Variants in SPAG5 observed in about 807,000 individuals in gnomAD.
The protein encoded by SPAG5 is sperm-associated antigen 5.
Under a neutral mutation model 145.4 loss-of-function variants are expected in SPAG5, and 99 were observed. That is an observed-to-expected ratio of 0.68 (90% CI 0.58 to 0.80). The LOEUF is 0.80. SPAG5 is among the 30% of genes least tolerant of loss of function. SPAG5 has a pLI of 0.00. For synonymous variants in SPAG5, 477 were observed against 525.4 expected, an observed-to-expected ratio of 0.91 and a Z score of 1.26; for missense variants, 1,192 against 1,416.0, an observed-to-expected ratio of 0.84 and a Z score of 2.54.
intron 2 of SPAG5, among the ~76,000 whole-genome samples, chr17:28,594,411 C>T (rs568849582): frequency 6.6e-6 from 1 of 151,948 alleles, no homozygotes; most frequent in East Asian, 1.9e-4. Context: ...CTGGCTAACA[C>T]GATGAAACCC....
Position 28,584,351 on chromosome 17 carries a change from T to C in SPAG5, c.2291A>G (p.Asn764Ser). Residue 764 changes from asparagine (N) to serine (S), a missense_variant, in exon 12 of 24, where the codon AAT becomes AGT. Around this residue, in one of 5 missense-constraint regions of SPAG5, gnomAD observed 709 missense variants for 840.7 expected, o/e 0.84. Transcript: ENST00000321765. Reference sequence around the variant, plus strand: ...AACTCACTGAGCAGCCTGCTCCTCATTGCTCTGGGTAAGCTGGCAGAGTAA... The same window carrying C: ...AACTCACTGAGCAGCCTGCTCCTCACTGCTCTGGGTAAGCTGGCAGAGTAA... The part of the protein sequence containing the change: ...DELLCQLTQS[N>S]EEQAAQWQKE... 1.2e-6 allele frequency: 2 copies of C among 1,614,212 alleles called. No individual in the cohort carries two copies. The highest frequency in any genetic ancestry group is 1.1e-5 in the South Asian group (1 of 91,088).
chr17:28,577,780 G>C lies in SPAG5; in HGVS notation c.3511-10C>G. On this transcript the variant is annotated splice_polypyrimidine_tract_variant and intron_variant, in intron 23 of 23. Transcript: ENST00000321765. ...GAATAGAGAGCAGGGTCTGGGAAGAGAGGCAGAAAACGCAGCTCAGGACCA... is the reference window on the plus strand; with the variant it reads ...GAATAGAGAGCAGGGTCTGGGAAGACAGGCAGAAAACGCAGCTCAGGACCA... The C allele has an allele frequency of 1.2e-6, 2 of 1,611,996 alleles. No homozygotes were observed. Among genetic ancestry groups the C allele is most frequent in the Non-Finnish European group, 1.7e-6 (2 of 1,178,062 alleles).
chr17:28,577,810 C>T, intron 23 of SPAG5, 40 bp from the exon 24 acceptor site: 1 of 1,549,480 alleles, frequency 6.5e-7, no homozygotes, highest in African/African-American at 1.4e-5. Flanking sequence ...GGACCACAGA[C>T]TTAAGGCCCA....
chr17:28,596,496 C>T (rs1445779275), intron 2 of SPAG5, among the ~76,000 whole-genome samples: 3 of 150,610 alleles, frequency 2.0e-5, no homozygotes, highest in Non-Finnish European at 3.0e-5. Context: ...GGCGAAACCC[C>T]GTCTCTATTA....
Position 28,578,504 on chromosome 17 carries a change from G to T in SPAG5, c.3223C>A (p.Leu1075Ile). The change falls in exon 21 of 24, where the codon CTT becomes ATT. Residue 1075 changes from leucine (L) to isoleucine (I), a missense_variant. Transcript: ENST00000321765. ...TCCGCACGCCGAAGTGAGCGGGTAA[G>T]GTGGGTCACCTCCTCTCTAAGGCTC... ...LISLREEVTH[L>I]TRSLRRAETE... 1.2e-6 allele frequency: 2 copies of T among 1,611,368 alleles called. No individual in the cohort carries two copies. Among genetic ancestry groups the T allele is most frequent in the Non-Finnish European group, 8.5e-7 (1 of 1,180,022 alleles).
At chr17:28,598,459 T>G in intron 2 of SPAG5, 51 bp downstream of exon 2, 1 of 1,596,338 alleles carries the variant, frequency 6.3e-7, no homozygotes, top group Non-Finnish European at 8.5e-7. Context: ...TCCCCTGAGC[T>G]CTCACCCTGG....
rs748585752 is a variant in SPAG5, at chr17:28,592,166, G to A, written c.1078C>T (p.Arg360Cys). The A allele has an allele frequency of 2.1e-5, 34 of 1,614,034 alleles. No individual in the cohort carries two copies. The highest frequency in any genetic ancestry group is 4.5e-5 in the East Asian group (2 of 44,904). ...ATCGAGGGAAGGGATAAGCTTTGGC[G>A]GAGATTTTCCAGCATGACGGAGGTA... ...VNTSVMLENL[R>C]QSLSLPSMLR... Residue 360 changes from arginine to cysteine, a missense_variant, in exon 3 of 24, where the codon CGC becomes TGC. Arg to Cys is a radical substitution (Grantham distance 180). Around this residue, in one of 5 missense-constraint regions of SPAG5, gnomAD observed 125 missense variants for 143.8 expected, o/e 0.87. Transcript: ENST00000321765.
chr17:28,586,541 T>G lies in SPAG5; in HGVS notation c.1438-42A>C, dbSNP rs1363359163. The stretch of plus-strand genomic sequence containing the variant: ...AGTTGTTCCTTGTTTTGTTTGTTTG[T>G]TTGTTTTTGAGACAGAGTCTTGCTC... On this transcript the variant is annotated intron_variant, in intron 4 of 23. Transcript: ENST00000321765. The G allele has an allele frequency of 4.5e-6, 7 of 1,542,402 alleles. No homozygotes were observed. In the African/African-American group the frequency reaches 9.5e-5, roughly 21 times the overall value.
At position 28,583,983 on chromosome 17, in the gene SPAG5, C is replaced by A; in HGVS notation, c.2416G>T (p.Ala806Ser). The part of the protein sequence containing the change: ...VRDLKETLEF[A>S]DQENQVAHLE... ...TGAGCAACCTGATTCTCCTGGTCTG[C>A]AAACTGGGAAGACAAGAGAAGGAGC... Residue 806 changes from alanine (A) to serine (S), a missense_variant, in exon 14 of 24, where the codon GCA (alanine) becomes TCA (serine). Physicochemically the swap from Ala to Ser is moderately conservative, Grantham distance 99. Transcript: ENST00000321765. 3.1e-6 allele frequency: 5 copies of A among 1,614,096 alleles called. No homozygotes were observed. Among genetic ancestry groups the A allele is most frequent in the Non-Finnish European group, 4.2e-6 (5 of 1,180,012 alleles).
chr17:28,594,696 G>A (rs1163586738), intron 2 of SPAG5, among the ~76,000 whole-genome samples: 1 of 152,156 alleles, frequency 6.6e-6, no homozygotes, highest in African/African-American at 2.4e-5. Flanking sequence ...TGATATTCTG[G>A]TACTGTCCTA....
At chr17:28,581,177 G>A (rs2070546976) in intron 15 of SPAG5, among the ~76,000 whole-genome samples, 2 of 152,190 alleles carry the variant, frequency 1.3e-5, no homozygotes, top group Non-Finnish European at 2.9e-5. Context: ...ATCTATGGCT[G>A]CTCTTGAACT....
chr17:28,584,536 A>G lies in SPAG5; in HGVS notation c.2162-56T>C, dbSNP rs972692236. Reference sequence around the variant, plus strand: ...CGGTCAGCAGGCTAGAAACTCCCCAAACTTCTGCTCCAAAGCAAGTGCTCC... The same window carrying G: ...CGGTCAGCAGGCTAGAAACTCCCCAGACTTCTGCTCCAAAGCAAGTGCTCC... On this transcript the variant is annotated intron_variant, in intron 11 of 23. Transcript: ENST00000321765. The G allele has an allele frequency of 4.3e-6, 7 of 1,611,912 alleles. No homozygotes were observed. In the Admixed American group the frequency reaches 6.7e-5, roughly 15 times the overall value.
In SPAG5 at chr17:28,584,224, GT is replaced by G; in HGVS notation, c.2337del (p.Lys779AsnfsTer21). ...AQWQKEEMALKHMQAELQQQQ... is the reference protein window; with the variant it reads ...AQWQKEEMALXHMQAELQQQQ... ...TGCTGCTGCAGTTCTGCCTGCATGT[GT>G]TTTAGTGCCATCTCTTCCTTTTGCC... is the stretch of plus-strand genomic sequence containing the variant. On this transcript the variant is annotated frameshift_variant, in exon 13 of 24. Transcript: ENST00000321765. LOFTEE classifies it high-confidence loss of function. 6.2e-7 allele frequency: 1 copy of G among 1,613,932 alleles called. No individual in the cohort carries two copies. The highest frequency in any genetic ancestry group is 8.5e-7 in the Non-Finnish European group (1 of 1,180,036).
chr17:28,588,202 G>A (rs1050747895), intron 4 of SPAG5, among the ~76,000 whole-genome samples: 1 of 152,194 alleles, frequency 6.6e-6, no homozygotes, highest in African/African-American at 2.4e-5. Context: ...GGCTCACATC[G>A]TGCTCAGCTG....
chr17:28,591,792 A>G lies in SPAG5; in HGVS notation c.1343T>C (p.Leu448Pro), dbSNP rs758265514. ...CTTCCAGTCCCGAAGCTGGCGGGAG[A>G]GAACCTCCAGAATGACAAGAGAGCT... ...LLSSLVILEV[L>P]SRQLRDWKSQ... The change falls in exon 4 of 24, where the codon CTC becomes CCC. Residue 448 changes from leucine to proline, a missense_variant. Leu to Pro is a moderately conservative substitution (Grantham distance 98). Transcript: ENST00000321765. 2 of 1,614,146 alleles carry G rather than the reference A, an allele frequency of 1.2e-6. No individual in the cohort carries two copies. The highest frequency in any genetic ancestry group is 1.7e-6 in the Non-Finnish European group (2 of 1,180,020).
intron 2 of SPAG5, among the ~76,000 whole-genome samples, chr17:28,596,285 G>A (rs560126556): frequency 6.6e-6 from 1 of 152,200 alleles, no homozygotes; most frequent in African/African-American, 2.4e-5. Context: ...GACTGCATCT[G>A]GAGGTAGTAA....
At chr17:28,589,111 T>G (rs2070604217) in intron 4 of SPAG5, among the ~76,000 whole-genome samples, 1 of 152,102 alleles carries the variant, frequency 6.6e-6, no homozygotes, top group Admixed American at 6.6e-5. Context: ...AATTTTTTTT[T>G]TTTTTGAGAC....
At position 28,598,674 on chromosome 17, in the gene SPAG5, G is replaced by C. The variant is rs2070686940; in HGVS notation, c.52-39C>G. The C allele has an allele frequency of 1.9e-6, 3 of 1,567,148 alleles. 1 individual carries two copies. Among genetic ancestry groups the C allele is most frequent in the Non-Finnish European group, 2.6e-6 (3 of 1,154,190 alleles). On this transcript the variant is annotated intron_variant, in intron 1 of 23. Transcript: ENST00000321765. ...CAAGAAAGAGGGCGAGTGTGAGGAA[G>C]CCTGGGTTCTGCCAGCCCGCCCCTC...
rs1567623901 is a variant in SPAG5 at position 28,583,846 on chromosome 17, A to C, written c.2546+7T>G. 1 of 1,602,396 alleles carries C rather than the reference A, an allele frequency of 6.2e-7. No homozygotes were observed. The highest frequency in any genetic ancestry group is 8.5e-7 in the Non-Finnish European group (1 of 1,171,722). On this transcript the variant is annotated splice_region_variant and intron_variant, in intron 14 of 23. Transcript: ENST00000321765. ...TAGGGGGAAGTACAGAAAGTTAGAGAACTTACGTTAGGTTCTCTACAGTGT... is the reference window on the plus strand; with the variant it reads ...TAGGGGGAAGTACAGAAAGTTAGAGCACTTACGTTAGGTTCTCTACAGTGT...
Sources: allele counts gnomAD v4.1 joint callset (sites outside exome capture counted in the v4.1 genomes callset), GRCh38; gene constraint gnomAD v4.1.1; regional missense constraint gnomAD v4.1.1; transcripts MANE v1.5; gene names NCBI Gene and HGNC (gene_info 2026-07-23, HGNC 2026-07-21).